Variants in MIPEP observed in about 807,000 individuals in gnomAD.
MIPEP encodes mitochondrial intermediate peptidase.
In MIPEP, 79 loss-of-function variants were observed where a neutral mutation model predicts 90.3. That is an observed-to-expected ratio of 0.87 (90% CI 0.73 to 1.05). The LOEUF (loss-of-function observed/expected upper bound fraction) is 1.05, where lower values mean the gene tolerates loss of function less well. Ranked by LOEUF, MIPEP falls within the 50% of genes least tolerant of loss-of-function variation. The pLI, the probability that MIPEP is intolerant of heterozygous loss-of-function variation, is 0.00. For missense variants in MIPEP, 940 were observed against 905.6 expected (o/e 1.04, Z -0.49); for synonymous variants, 334 against 315.8 (o/e 1.06, Z -0.61).
intron 16 of MIPEP, among the ~76,000 whole-genome samples, chr13:23,800,763 T>C (rs1389835882): frequency 3.3e-5 from 5 of 152,172 alleles, no homozygotes; most frequent in African/African-American, 1.2e-4. Flanking sequence ...AAGTATGACC[T>C]ACATAAAGCT....
chr13:23,756,707 C>T, intron 17 of MIPEP, 89 bp from the exon 18 acceptor site: 2 of 1,275,054 alleles, frequency 1.6e-6, no homozygotes, highest in Non-Finnish European at 1.1e-6. Flanking sequence ...CACACTGATG[C>T]CATATTCATA....
Position 23,837,638 on chromosome 13 carries a change from G to C in MIPEP, c.1457C>G (p.Thr486Ser). 6.2e-7 allele frequency: 1 copy of C among 1,613,964 alleles called. No homozygotes were observed. Residue 486 changes from threonine (T) to serine (S), a missense_variant, in exon 13 of 19, where the codon ACT (threonine) becomes AGT (serine). Coordinates refer to ENST00000382172, the MANE Select transcript of MIPEP (RefSeq NM_005932.4). ...GAAAAGATTTTCCATCATGCTAGGA[G>C]TTAGCAAAGTTGGAGAACTCCTTGA... ...RSSRSSPTLL[T>S]PSMMENLFHE...
intron 18 of MIPEP, among the ~76,000 whole-genome samples, chr13:23,735,912 A>C (rs4770486): frequency 0.73 from 109,362 of 149,630 alleles, 41,125 homozygotes; most frequent in Middle Eastern, 0.84. Context: ...TAAAAAAAAA[A>C]CAAAAAAAAC....
intron 17 of MIPEP, among the ~76,000 whole-genome samples, chr13:23,759,206 G>A (rs552705299): frequency 1.3e-5 from 2 of 152,182 alleles, no homozygotes; most frequent in African/African-American, 4.8e-5. Flanking sequence ...ATTGTTATAG[G>A]GATTCCTGTT....
intron 16 of MIPEP, among the ~76,000 whole-genome samples, chr13:23,783,770 A>G (rs1429296307): frequency 2.0e-5 from 3 of 152,216 alleles, no homozygotes; most frequent in Non-Finnish European, 2.9e-5. Context: ...ATACAAAATC[A>G]ATGTGCAAAA....
intron 12 of MIPEP, 57 bp from the exon 13 acceptor site, chr13:23,837,813 A>G (rs1869124013): frequency 2.2e-6 from 3 of 1,358,796 alleles, no homozygotes; most frequent in East Asian, 2.3e-5. Flanking sequence ...GTGAAGAGTA[A>G]AACAGTCTTA....
chr13:23,820,027 A>G (rs898405184), intron 14 of MIPEP, among the ~76,000 whole-genome samples: 1 of 118,776 alleles, frequency 8.4e-6, no homozygotes, highest in Non-Finnish European at 2.0e-5. Flanking sequence ...AAAAAAAAGG[A>G]AAAAAACCTC....
At chr13:23,856,260 G>A (rs184617033) in intron 10 of MIPEP, among the ~76,000 whole-genome samples, 1 of 152,346 alleles carries the variant, frequency 6.6e-6, no homozygotes, top group East Asian at 1.9e-4. Flanking sequence ...ACAAACCAGG[G>A]AGGCAATGGG....
At chr13:23,730,529 AG>A in intron 18 of MIPEP, 84 bp from the exon 19 acceptor site, 1 of 837,548 alleles carries the variant, frequency 1.2e-6, no homozygotes, top group South Asian at 1.5e-5. Context: ...CACACACTAG[AG>A]GAACACTCTG....
At chr13:23,733,912 T>C (rs79409037) in intron 18 of MIPEP, among the ~76,000 whole-genome samples, 1 of 152,336 alleles carries the variant, frequency 6.6e-6, no homozygotes, top group East Asian at 1.9e-4. Flanking sequence ...TGTTCTTTTT[T>C]ACAGTAAAAT....
In MIPEP at chr13:23,838,886, T is replaced by C. The variant is rs115704446; in HGVS notation, c.1338+763A>G. Among the ~76,000 whole-genome samples, 447 of 152,370 alleles carry C rather than the reference T, an allele frequency of 2.9e-3. 2 individuals are homozygous for C. Among genetic ancestry groups the C allele is most frequent in the African/African-American group, 0.01 (436 of 41,590 alleles). Reference sequence around the variant, plus strand: ...GCTTCTGCAAGCCTCATCTCTAAAATGCTTCCTTGTCAAATCCCACAGTGG... The same window carrying C: ...GCTTCTGCAAGCCTCATCTCTAAAACGCTTCCTTGTCAAATCCCACAGTGG... On this transcript the variant is annotated intron_variant, in intron 12 of 18. Transcript: ENST00000382172.
chr13:23,816,917 A>C (rs950302812), intron 14 of MIPEP, among the ~76,000 whole-genome samples: 1 of 152,186 alleles, frequency 6.6e-6, no homozygotes, highest in Non-Finnish European at 1.5e-5. Flanking sequence ...ACAATTCGCT[A>C]AAGTGTTACT....
intron 4 of MIPEP, 81 bp downstream of exon 4, chr13:23,879,187 G>A: frequency 2.5e-6 from 2 of 799,850 alleles, no homozygotes; most frequent in Non-Finnish European, 4.3e-6. Flanking sequence ...GAGGCTGCAA[G>A]TACAGAGGCC....
At chr13:23,797,361 A>T (rs1288401156) in intron 16 of MIPEP, among the ~76,000 whole-genome samples, 2 of 152,116 alleles carry the variant, frequency 1.3e-5, no homozygotes, top group Non-Finnish European at 2.9e-5. Flanking sequence ...CTCCACTTGG[A>T]TATTCTACAG....
rs146330609 is a variant in MIPEP at position 23,768,283 on chromosome 13, T to C, written c.1849-8066A>G. Among the ~76,000 whole-genome samples, 214 of 152,374 alleles carry C rather than the reference T, an allele frequency of 1.4e-3. 1 individual carries two copies. Among genetic ancestry groups the C allele is most frequent in the South Asian group, 2.9e-3 (14 of 4,830 alleles). On this transcript the variant is annotated intron_variant, in intron 16 of 18. Coordinates refer to ENST00000382172, the MANE Select transcript of MIPEP (RefSeq NM_005932.4). Reference sequence around the variant, plus strand: ...AAAACTGATGTCTATGCCACATTCATGTTGTGTATGTATGACACCTGTAAC... The same window carrying C: ...AAAACTGATGTCTATGCCACATTCACGTTGTGTATGTATGACACCTGTAAC...
At chr13:23,798,431 A>C (rs993684067) in intron 16 of MIPEP, among the ~76,000 whole-genome samples, 1 of 152,212 alleles carries the variant, frequency 6.6e-6, no homozygotes, top group African/African-American at 2.4e-5. Flanking sequence ...TACTGCAGCA[A>C]ATCAGGTATA....
At position 23,741,586 on chromosome 13, in the gene MIPEP, G is replaced by T. The variant is rs890861255; in HGVS notation, c.2045-11141C>A. On this transcript the variant is annotated intron_variant, in intron 18 of 18. Transcript: ENST00000382172. Reference sequence around the variant, plus strand: ...ACACAAGAACAGAAAACCAATTACTGCATGTTCTTATTTATAAGTGGGAGC... The same window carrying T: ...ACACAAGAACAGAAAACCAATTACTTCATGTTCTTATTTATAAGTGGGAGC... Among the ~76,000 whole-genome samples, 86 of 152,092 alleles carry T rather than the reference G, an allele frequency of 5.7e-4. 1 individual carries two copies. The highest frequency in any genetic ancestry group is 3.9e-4 in the Admixed American group (6 of 15,258).
Position 23,839,717 on chromosome 13 carries a change from G to C in MIPEP, c.1270C>G (p.His424Asp), listed in dbSNP as rs764879687. 6.2e-7 allele frequency: 1 copy of C among 1,609,970 alleles called. No individual in the cohort carries two copies. The highest frequency in any genetic ancestry group is 1.1e-5 in the South Asian group (1 of 89,906). The change falls in exon 12 of 19, where the codon CAT (histidine) becomes GAT (aspartate). Residue 424 changes from histidine to aspartate, a missense_variant. Physicochemically the swap from His to Asp is moderately conservative, Grantham distance 81. Coordinates refer to ENST00000382172, the MANE Select transcript of MIPEP (RefSeq NM_005932.4). ...SEDVRKLAVVHESEGLLGYIY... is the reference protein window; with the variant it reads ...SEDVRKLAVVDESEGLLGYIY... The stretch of plus-strand genomic sequence containing the variant: ...TACCCCAACAATCCTTCAGATTCAT[G>C]AACAACAGCCTAGAAAAAAAAATTT...
At chr13:23,795,989 T>A (rs1952955397) in intron 16 of MIPEP, among the ~76,000 whole-genome samples, 1 of 152,172 alleles carries the variant, frequency 6.6e-6, no homozygotes, top group Admixed American at 6.5e-5. Context: ...AGCAAGACCC[T>A]GTCATACATA....
Sources: allele counts gnomAD v4.1 joint callset (sites outside exome capture counted in the v4.1 genomes callset), GRCh38; gene constraint gnomAD v4.1.1; transcripts MANE v1.5; gene names NCBI Gene and HGNC (gene_info 2026-07-23, HGNC 2026-07-21).